The following GALNT17 variants were observed in gnomAD, a reference collection of about 807,000 sequenced individuals.
GALNT17 encodes the protein UDP-GalNAc:polypeptide N-acetylgalactosaminyltransferase-like 3.
Under a neutral mutation model 63.7 loss-of-function variants are expected in GALNT17, and 29 were observed. The ratio of observed to expected loss-of-function variants is 0.46; its 90% confidence interval spans 0.34 to 0.62. The LOEUF (loss-of-function observed/expected upper bound fraction) is 0.62. Among genes scored for constraint, GALNT17 ranks in the 20% least tolerant of loss-of-function variants. The pLI, the probability that GALNT17 is intolerant of heterozygous loss-of-function variation, is 0.01. For missense variants in GALNT17, 603 were observed against 799.6 expected (o/e 0.75, Z 2.97); for synonymous variants, 305 against 318.3 (o/e 0.96, Z 0.45).
At chr7:71,512,216 G>A (rs1788368564) in intron 5 of GALNT17, among the ~76,000 whole-genome samples, 1 of 151,934 alleles carries the variant, frequency 6.6e-6, no homozygotes, top group African/African-American at 2.4e-5. Context: ...TGTTACGCAG[G>A]CTGGTCTCAA....
intron 1 of GALNT17, among the ~76,000 whole-genome samples, chr7:71,212,963 A>G (rs1428456236): frequency 1.3e-5 from 2 of 152,206 alleles, no homozygotes; most frequent in African/African-American, 4.8e-5. Context: ...TTTTAGGTTA[A>G]TGCTGAAATG....
chr7:71,503,144 T>C (rs2116705604), intron 5 of GALNT17, among the ~76,000 whole-genome samples: 1 of 152,310 alleles, frequency 6.6e-6, no homozygotes, highest in Admixed American at 6.5e-5. Flanking sequence ...CCTTCAAGAC[T>C]CACACCTAGA....
intron 1 of GALNT17, among the ~76,000 whole-genome samples, chr7:71,184,943 C>CTTA (rs1788810049): frequency 1.9e-4 from 4 of 21,252 alleles, no homozygotes; most frequent in Middle Eastern, 0.029. Flanking sequence ...TTCCTCACTT[C>CTTA]CTTCCTTCCT....
chr7:71,557,650 G>A (rs1039895877), intron 5 of GALNT17, among the ~76,000 whole-genome samples: 3 of 152,042 alleles, frequency 2.0e-5, no homozygotes, highest in African/African-American at 7.2e-5. Flanking sequence ...AATTAGCCAG[G>A]CCCGGTGGCG....
chr7:71,401,115 A>G (rs1793231897), intron 3 of GALNT17, among the ~76,000 whole-genome samples: 2 of 135,860 alleles, frequency 1.5e-5, no homozygotes, highest in Admixed American at 7.6e-5. Flanking sequence ...TTTTTTTCTG[A>G]GACAGGTTCT....
chr7:71,352,970 A>T lies in GALNT17; in HGVS notation c.422+17237A>T, dbSNP rs569057142. Among the ~76,000 whole-genome samples, 28 of 152,146 alleles carry T rather than the reference A, an allele frequency of 1.8e-4. No individual in the cohort carries two copies. The South Asian group carries it at 5.8e-3, about 32-fold the overall frequency. ...TTGATGACCTCAACAAGGATATTCAACCCTGATTGGGGTTGATTAAGGAGT... is the reference window on the plus strand; with the variant it reads ...TTGATGACCTCAACAAGGATATTCATCCCTGATTGGGGTTGATTAAGGAGT... On this transcript the variant is annotated intron_variant, in intron 2 of 10. Transcript: ENST00000333538.
intron 1 of GALNT17, among the ~76,000 whole-genome samples, chr7:71,289,386 GTCTT>G (rs1415576919): frequency 3.3e-5 from 5 of 152,010 alleles, no homozygotes; most frequent in East Asian, 1.9e-4. Flanking sequence ...TTAAATTTTT[GTCTT>G]TCTTTTTCCT....
At chr7:71,459,177 C>T (rs545449503) in intron 5 of GALNT17, among the ~76,000 whole-genome samples, 3 of 152,030 alleles carry the variant, frequency 2.0e-5, no homozygotes, top group Admixed American at 6.5e-5. Flanking sequence ...AGACAGCCTA[C>T]AGAAGAAGAA....
chr7:71,583,244 A>G (rs1015757032), intron 6 of GALNT17, among the ~76,000 whole-genome samples: 5 of 152,038 alleles, frequency 3.3e-5, no homozygotes, highest in African/African-American at 9.7e-5. Context: ...ACAGGGGCAC[A>G]CCACCACGCC....
Position 71,420,921 on chromosome 7 carries a change from C to T in GALNT17, c.778C>T (p.Leu260=), listed in dbSNP as rs142670632. 1.3e-4 allele frequency: 213 copies of T among 1,614,146 alleles called. No homozygotes were observed. The African/African-American group carries it at 2.3e-3, about 17-fold the overall frequency. Residue 260 remains leucine (L), a synonymous_variant, in exon 5 of 11, where the codon CTA becomes TTA. Coordinates refer to ENST00000333538, the MANE Select transcript of GALNT17 (RefSeq NM_022479.3). ...EFTAGWAEPV[L]SRIQENRKRV... is the part of the protein sequence containing the mutation. Reference sequence around the variant, plus strand: ...TCTATGTTTCAGGGCTGAGCCGGTTCTATCCCGCATCCAGGAAAACCGGAA... The same window carrying T: ...TCTATGTTTCAGGGCTGAGCCGGTTTTATCCCGCATCCAGGAAAACCGGAA...
chr7:71,396,050 CTCTT>C (rs915626167), intron 3 of GALNT17, among the ~76,000 whole-genome samples: 39 of 152,238 alleles, frequency 2.6e-4, no homozygotes, highest in African/African-American at 8.4e-4. Flanking sequence ...AATATTTTCT[CTCTT>C]TCTGTGGGTT....
chr7:71,338,251 C>T (rs1220296708), intron 2 of GALNT17, among the ~76,000 whole-genome samples: 3 of 151,468 alleles, frequency 2.0e-5, no homozygotes, highest in South Asian at 2.1e-4. Flanking sequence ...GGCGTGAACC[C>T]GGGAGGCGGA....
intron 6 of GALNT17, among the ~76,000 whole-genome samples, chr7:71,663,416 C>G (rs11975195): frequency 1.3e-5 from 2 of 151,990 alleles, no homozygotes; most frequent in South Asian, 4.1e-4. Flanking sequence ...GAAATTCAGC[C>G]GCCTTGTTTT....
chr7:71,609,426 G>A (rs185135143), intron 6 of GALNT17, among the ~76,000 whole-genome samples: 1 of 152,188 alleles, frequency 6.6e-6, no homozygotes. Context: ...TGCATCAGGC[G>A]AATGGGAGTT....
chr7:71,562,423 C>T (rs1218605868), intron 5 of GALNT17, among the ~76,000 whole-genome samples: 3 of 152,232 alleles, frequency 2.0e-5, no homozygotes, highest in Non-Finnish European at 4.4e-5. Context: ...AGTTCTACAA[C>T]TCACCATCAT....
At chr7:71,184,201 C>T (rs1024291600) in intron 1 of GALNT17, among the ~76,000 whole-genome samples, 12 of 152,216 alleles carry the variant, frequency 7.9e-5, no homozygotes, top group Non-Finnish European at 1.3e-4. Context: ...ACCCCGCTGA[C>T]ACCTTCATCT....
At chr7:71,632,604 G>C (rs1297782283) in intron 6 of GALNT17, among the ~76,000 whole-genome samples, 1 of 152,150 alleles carries the variant, frequency 6.6e-6, no homozygotes, top group Non-Finnish European at 1.5e-5. Context: ...AGGATGAGGA[G>C]AGAATCTGGG....
chr7:71,134,288 G>A (rs1408030176), intron 1 of GALNT17, among the ~76,000 whole-genome samples: 1 of 152,244 alleles, frequency 6.6e-6, no homozygotes, highest in Non-Finnish European at 1.5e-5. Flanking sequence ...TCCCCTAAGT[G>A]AAAGGAGTAT....
At chr7:71,447,904 G>C (rs1468019524) in intron 5 of GALNT17, among the ~76,000 whole-genome samples, 1 of 152,124 alleles carries the variant, frequency 6.6e-6, no homozygotes, top group African/African-American at 2.4e-5. Context: ...GGGTGCTATG[G>C]CCTCATCCAT....
Sources: allele counts gnomAD v4.1 joint callset (sites outside exome capture counted in the v4.1 genomes callset), GRCh38; gene constraint gnomAD v4.1.1; transcripts MANE v1.5; gene names NCBI Gene and HGNC (gene_info 2026-07-23, HGNC 2026-07-21).